Variants in CTNNA2 observed in about 807,000 individuals in gnomAD.
CTNNA2 encodes catenin alpha-2.
Under a neutral mutation model 101.0 loss-of-function variants are expected in CTNNA2, and 42 were observed. That is an observed-to-expected ratio of 0.42 (90% CI 0.32 to 0.54). CTNNA2 has a LOEUF of 0.54. Among genes scored for constraint, CTNNA2 ranks in the 20% least tolerant of loss-of-function variants. The probability of loss-of-function intolerance (pLI) is 0.14; values close to 1 mark genes in which losing one functional copy is unlikely to be tolerated. For missense variants in CTNNA2, 871 were observed against 1,223.1 expected (o/e 0.71, Z 4.29); for synonymous variants, 450 against 456.4 (o/e 0.99, Z 0.18).
rs187525539 is a variant in CTNNA2, at chr2:80,587,691, T to C, written c.2008-1613T>C. 4.6e-5 allele frequency among the ~76,000 whole-genome samples: 7 copies of C among 152,330 alleles called. No homozygotes were observed. The East Asian group carries it at 1.4e-3, about 29-fold the overall frequency. On this transcript the variant is annotated intron_variant, in intron 14 of 18. Coordinates refer to ENST00000402739, the MANE Select transcript of CTNNA2 (RefSeq NM_001282597.3). Reference sequence around the variant, plus strand: ...TTCACTCACACAGGGAGAAGATTTATAATTTAGGAAGCATTTTTCTTGTGT... The same window carrying C: ...TTCACTCACACAGGGAGAAGATTTACAATTTAGGAAGCATTTTTCTTGTGT...
At chr2:79,515,699 A>G (rs1040345486) in intron 1 of CTNNA2, among the ~76,000 whole-genome samples, 7 of 152,200 alleles carry the variant, frequency 4.6e-5, no homozygotes, top group Non-Finnish European at 7.3e-5. Flanking sequence ...TAGAAGAGCA[A>G]CTAGTGTCTT....
At chr2:79,714,912 C>T (rs560949537) in intron 2 of CTNNA2, among the ~76,000 whole-genome samples, 88 of 151,694 alleles carry the variant, frequency 5.8e-4, no homozygotes, top group Non-Finnish European at 1.0e-3. Context: ...CAGAGAAGGA[C>T]GAGCGCGGTA....
rs1314472651 is a variant in CTNNA2 at position 79,992,735 on chromosome 2, G to C, written c.1056+82938G>C. On this transcript the variant is annotated intron_variant, in intron 7 of 18. Coordinates refer to ENST00000402739, the MANE Select transcript of CTNNA2 (RefSeq NM_001282597.3). ...AAATGCTATGAGTATTGTTGTACTT[G>C]TAGCTTCTAAGATTATGGTTTGCTT... Among the ~76,000 whole-genome samples, 3 of 152,126 alleles carry C rather than the reference G, an allele frequency of 2.0e-5. No individual in the cohort carries two copies. In the East Asian group the frequency reaches 5.8e-4, roughly 29 times the overall value.
chr2:79,327,658 A>G (rs1676777259), intron 3 of CTNNA2, among the ~76,000 whole-genome samples: 1 of 152,044 alleles, frequency 6.6e-6, no homozygotes, highest in Non-Finnish European at 1.5e-5. Context: ...TAAAAGGGAC[A>G]CTAGGTGGCA....
At chr2:79,744,334 C>A in intron 2 of CTNNA2, 53 bp from the exon 3 acceptor site, 1 of 1,485,994 alleles carries the variant, frequency 6.7e-7, no homozygotes, top group Non-Finnish European at 9.1e-7. Context: ...GATAACATGA[C>A]ATTTCTAGAC....
intron 7 of CTNNA2, among the ~76,000 whole-genome samples, chr2:80,022,118 CCTG>C (rs1373379466): frequency 7.9e-5 from 12 of 152,122 alleles, no homozygotes; most frequent in Non-Finnish European, 1.3e-4. Flanking sequence ...TGTAAAGAAA[CCTG>C]CAGCTATAGT....
At chr2:79,472,586 G>A (rs960178164) in intron 4 of CTNNA2, among the ~76,000 whole-genome samples, 1 of 151,842 alleles carries the variant, frequency 6.6e-6, no homozygotes, top group Non-Finnish European at 1.5e-5. Context: ...CCCATTTTTT[G>A]CCCCTTTCAG....
At chr2:79,455,213 C>T (rs949850828) in intron 4 of CTNNA2, among the ~76,000 whole-genome samples, 4 of 152,178 alleles carry the variant, frequency 2.6e-5, no homozygotes, top group African/African-American at 7.2e-5. Context: ...CTTATATCCT[C>T]CATATGCATA....
At chr2:79,585,423 C>T (rs559911213) in intron 1 of CTNNA2, among the ~76,000 whole-genome samples, 1 of 151,720 alleles carries the variant, frequency 6.6e-6, no homozygotes, top group Non-Finnish European at 1.5e-5. Flanking sequence ...TGTATTTTTC[C>T]TATTTCTGAG....
Position 80,336,191 on chromosome 2 carries a change from T to C in CTNNA2, c.1057-57020T>C, listed in dbSNP as rs564934566. Among the ~76,000 whole-genome samples, 3 of 152,314 alleles carry C rather than the reference T, an allele frequency of 2.0e-5. No homozygotes were observed. The East Asian group carries it at 5.8e-4, about 29-fold the overall frequency. On this transcript the variant is annotated intron_variant, in intron 7 of 18. Transcript: ENST00000402739. ...GATTAGGGCTCCAGCATATTCAGTGTCTGGTGAGGGTTCGTTCCTCATAGA... is the reference window on the plus strand; with the variant it reads ...GATTAGGGCTCCAGCATATTCAGTGCCTGGTGAGGGTTCGTTCCTCATAGA...
At chr2:80,481,559 G>A in intron 9 of CTNNA2, among the ~76,000 whole-genome samples, 1 of 152,080 alleles carries the variant, frequency 6.6e-6, no homozygotes, top group Non-Finnish European at 1.5e-5. Flanking sequence ...CAATCGCTTG[G>A]TAAACAGATT....
intron 3 of CTNNA2, among the ~76,000 whole-genome samples, chr2:79,340,796 T>A (rs1320455462): frequency 2.5e-5 from 3 of 122,326 alleles, no homozygotes; most frequent in Non-Finnish European, 4.7e-5. Context: ...ATCGCGCCAC[T>A]GCACTCCAGC....
chr2:80,600,959 C>T (rs748820913), intron 15 of CTNNA2, among the ~76,000 whole-genome samples: 10 of 152,266 alleles, frequency 6.6e-5, no homozygotes, highest in East Asian at 3.9e-4. Flanking sequence ...CCTTTATTCT[C>T]GACTAGTTGT....
Position 80,303,094 on chromosome 2 carries a change from C to T in CTNNA2, c.1057-90117C>T. 1 of 1,614,054 alleles carries T rather than the reference C, an allele frequency of 6.2e-7. No homozygotes were observed. The highest frequency in any genetic ancestry group is 1.6e-4 in the Middle Eastern group (1 of 6,062). On this transcript the variant is annotated intron_variant, in intron 7 of 18. Coordinates refer to ENST00000402739, the MANE Select transcript of CTNNA2 (RefSeq NM_001282597.3). This position sits in a 1 kb window ranked among gnomAD's most constrained non-coding sequence, Gnocchi z 7.7. The stretch of plus-strand genomic sequence containing the variant: ...AGCTGACCACAATGGCCACCTTGTT[C>T]CTCCGCAGGCAGAGCGAGTGCAGGG...
At chr2:79,592,120 TG>T (rs151305460) in intron 1 of CTNNA2, among the ~76,000 whole-genome samples, 80,693 of 137,556 alleles carry the variant, frequency 0.59, 23,312 homozygotes, top group South Asian at 0.69. Flanking sequence ...TACTTCTTTT[TG>T]CTTTTTTTTT....
intron 9 of CTNNA2, among the ~76,000 whole-genome samples, chr2:80,542,681 A>C (rs1691676263): frequency 6.6e-6 from 1 of 152,090 alleles, no homozygotes; most frequent in Non-Finnish European, 1.5e-5. Flanking sequence ...CACTGTTTGC[A>C]AAAGTGTGAT....
At chr2:79,784,911 C>T (rs548323421) in intron 3 of CTNNA2, among the ~76,000 whole-genome samples, 112 of 152,074 alleles carry the variant, frequency 7.4e-4, no homozygotes, top group African/African-American at 2.2e-3. Flanking sequence ...TCAGGTTGCC[C>T]GTGAAGCTTA....
intron 3 of CTNNA2, among the ~76,000 whole-genome samples, chr2:79,775,089 G>T (rs1673865514): frequency 6.6e-6 from 1 of 152,174 alleles, no homozygotes; most frequent in Non-Finnish European, 1.5e-5. Flanking sequence ...AACAATAACA[G>T]CAGCTGCTGA....
intron 4 of CTNNA2, among the ~76,000 whole-genome samples, chr2:79,453,759 T>C (rs1457628903): frequency 6.6e-6 from 1 of 152,116 alleles, no homozygotes; most frequent in Non-Finnish European, 1.5e-5. Flanking sequence ...ACCCCAAGAA[T>C]GCTATAACTG....
Sources: allele counts gnomAD v4.1 joint callset (sites outside exome capture counted in the v4.1 genomes callset), GRCh38; gene constraint gnomAD v4.1.1; non-coding constraint Gnocchi (gnomAD v3.1); transcripts MANE v1.5; gene names NCBI Gene and HGNC (gene_info 2026-07-23, HGNC 2026-07-21).